Variants in ADARB2 observed in about 807,000 individuals in gnomAD.
ADARB2 encodes the protein adenosine deaminase RNA specific B2 (inactive), also known as inactive double-stranded RNA-specific editase B2.
ADARB2 carries 25 observed loss-of-function variants against 62.2 expected under a neutral mutation model. The observed-to-expected ratio is 0.40, with a 90% confidence interval of 0.29 to 0.56. The LOEUF is 0.56. Among genes scored for constraint, ADARB2 ranks in the 20% least tolerant of loss-of-function variants. The pLI, the probability that ADARB2 is intolerant of heterozygous loss-of-function variation, is 0.43. For synonymous variants in ADARB2, 572 were observed against 500.8 expected (o/e 1.14, Z -1.90); for missense variants, 1,071 against 1,077.4 (o/e 0.99, Z 0.08).
intron 2 of ADARB2, among the ~76,000 whole-genome samples, chr10:1,369,124 C>T (rs373863585): frequency 4.6e-5 from 7 of 152,262 alleles, no homozygotes; most frequent in South Asian, 4.1e-4. Flanking sequence ...TCCTTCCACA[C>T]GGAAGGTATT....
At chr10:1,712,678 G>C (rs1329963626) in intron 1 of ADARB2, among the ~76,000 whole-genome samples, 2 of 95,096 alleles carry the variant, frequency 2.1e-5, no homozygotes, top group Admixed American at 1.1e-4. Flanking sequence ...GCGGGATCTC[G>C]GTTCACTGCA....
At chr10:1,661,681 C>A (rs1834250143) in intron 1 of ADARB2, among the ~76,000 whole-genome samples, 1 of 152,204 alleles carries the variant, frequency 6.6e-6, no homozygotes, top group Non-Finnish European at 1.5e-5. Context: ...TCGGCATTCA[C>A]CGAGCAGACA....
At chr10:1,423,539 C>T (rs935546603) in intron 1 of ADARB2, among the ~76,000 whole-genome samples, 3 of 152,136 alleles carry the variant, frequency 2.0e-5, no homozygotes, top group Non-Finnish European at 2.9e-5. Flanking sequence ...GTTGTCTTTG[C>T]TACCTTCCTA....
At chr10:1,615,515 G>A (rs1026083801) in intron 1 of ADARB2, among the ~76,000 whole-genome samples, 1 of 152,252 alleles carries the variant, frequency 6.6e-6, no homozygotes, top group Admixed American at 6.5e-5. Flanking sequence ...ACCCGGGAGA[G>A]TGTGTCTTAC....
chr10:1,244,141 G>A (rs1830955165), intron 4 of ADARB2, among the ~76,000 whole-genome samples: 1 of 152,242 alleles, frequency 6.6e-6, no homozygotes, highest in African/African-American at 2.4e-5. Flanking sequence ...TAAGGCTACA[G>A]GGAGCTGGGG....
At chr10:1,198,906 G>A (rs1836945635) in intron 8 of ADARB2, among the ~76,000 whole-genome samples, 1 of 152,184 alleles carries the variant, frequency 6.6e-6, no homozygotes, top group African/African-American at 2.4e-5. Context: ...TGGGGAGGGC[G>A]TGGTTGCATT....
At chr10:1,494,149 T>C (rs1831658773) in intron 1 of ADARB2, among the ~76,000 whole-genome samples, 1 of 152,202 alleles carries the variant, frequency 6.6e-6, no homozygotes, top group Non-Finnish European at 1.5e-5. Context: ...TAATTTTAGG[T>C]ATTCAATAGA....
chr10:1,220,249 G>GTGGTGGTGATGA (rs879722966), intron 6 of ADARB2, among the ~76,000 whole-genome samples: 17,578 of 139,254 alleles, frequency 0.13, 554 homozygotes, highest in East Asian at 0.23. Flanking sequence ...GATAATGGTG[G>GTGGTGGTGATGA]TGGTGGTGAT....
intron 1 of ADARB2, among the ~76,000 whole-genome samples, chr10:1,593,461 A>G (rs190310279): frequency 6.6e-6 from 1 of 152,312 alleles, no homozygotes; most frequent in East Asian, 1.9e-4. Flanking sequence ...AGTGCCCAAT[A>G]CTCTTGAGTT....
rs1836661488 is a variant in ADARB2, at chr10:1,180,669, C to G, written c.*2524G>C. 6.6e-6 allele frequency: 1 copy of G among 152,388 alleles called. No homozygotes were observed. The highest frequency in any genetic ancestry group is 1.5e-5 in the Non-Finnish European group (1 of 68,222). 9.4% of individuals were successfully genotyped at this position (152,388 alleles called of 1,614,324 possible). A position where few individuals can be genotyped will look rare whatever the true frequency, so the allele number is the denominator to read the frequency against. ...CCCTCCTTTCCTTACGTGGGGTCCCCTCTGCAGCCCACATCCCCTCTGACA... is the reference window on the plus strand; with the variant it reads ...CCCTCCTTTCCTTACGTGGGGTCCCGTCTGCAGCCCACATCCCCTCTGACA... On this transcript the variant is annotated 3_prime_UTR_variant, in exon 10 of 10. Transcript: ENST00000381312.
At chr10:1,470,353 A>G (rs981744792) in intron 1 of ADARB2, among the ~76,000 whole-genome samples, 2 of 152,204 alleles carry the variant, frequency 1.3e-5, no homozygotes, top group African/African-American at 4.8e-5. Context: ...ATATCCACGC[A>G]CAGCATATCC....
chr10:1,576,047 T>TC (rs1833011595), intron 1 of ADARB2, among the ~76,000 whole-genome samples: 1 of 15,190 alleles, frequency 6.6e-5, no homozygotes, highest in African/African-American at 2.9e-4. Context: ...GGCGGGGGGG[T>TC]CAGGGTCACA....
At chr10:1,358,308 G>A (rs1806529) in intron 3 of ADARB2, among the ~76,000 whole-genome samples, 1 of 152,208 alleles carries the variant, frequency 6.6e-6, no homozygotes, top group East Asian at 1.9e-4. Flanking sequence ...TTATGATGTC[G>A]GATAGGAGAG....
intron 1 of ADARB2, among the ~76,000 whole-genome samples, chr10:1,630,141 T>C (rs530930848): frequency 6.6e-6 from 1 of 152,322 alleles, no homozygotes; most frequent in African/African-American, 2.4e-5. Context: ...TGTTTCATCT[T>C]AGAAATAGGA....
chr10:1,435,544 T>G (rs1332998391), intron 1 of ADARB2, among the ~76,000 whole-genome samples: 1 of 152,212 alleles, frequency 6.6e-6, no homozygotes, highest in Non-Finnish European at 1.5e-5. Flanking sequence ...TTCACAGCCC[T>G]GGACTGAGCC....
At chr10:1,418,338 C>A (rs2131883393) in intron 1 of ADARB2, among the ~76,000 whole-genome samples, 1 of 152,318 alleles carries the variant, frequency 6.6e-6, no homozygotes, top group Non-Finnish European at 1.5e-5. Flanking sequence ...CAGCGGGGAC[C>A]TGCCCTGTGG....
intron 3 of ADARB2, among the ~76,000 whole-genome samples, chr10:1,311,943 G>A (rs1440907268): frequency 6.6e-6 from 1 of 152,210 alleles, no homozygotes. Flanking sequence ...TGTACTCACT[G>A]AAGTGAGCAG....
intron 1 of ADARB2, among the ~76,000 whole-genome samples, chr10:1,582,666 C>T (rs889411028): frequency 6.6e-6 from 1 of 152,194 alleles, no homozygotes. Context: ...CAAGCCACAT[C>T]TGCTGGTGTC....
intron 4 of ADARB2, among the ~76,000 whole-genome samples, chr10:1,262,687 T>G (rs1831153543): frequency 1.3e-5 from 2 of 152,320 alleles, no homozygotes; most frequent in African/African-American, 2.4e-5. Context: ...TTGGTGGGAC[T>G]GTAAACTAGT....
Sources: allele counts gnomAD v4.1 joint callset (sites outside exome capture counted in the v4.1 genomes callset), GRCh38; gene constraint gnomAD v4.1.1; transcripts MANE v1.5; gene names NCBI Gene and HGNC (gene_info 2026-07-23, HGNC 2026-07-21).